BABAM2: variants seen among roughly 807,000 people sequenced by gnomAD.
BABAM2 encodes the protein BRISC and BRCA1 A complex member 2, also known as BRISC and BRCA1-A complex member 2.
In BABAM2, 31 loss-of-function variants were observed where a neutral mutation model predicts 54.7. The observed-to-expected ratio is 0.57, with a 90% CI of 0.43 to 0.77. BABAM2 has a LOEUF of 0.77. BABAM2 is among the 30% of genes least tolerant of loss of function. The pLI, the probability that BABAM2 is intolerant of heterozygous loss-of-function variation, is 0.00. For missense variants in BABAM2, 364 were observed against 455.8 expected (o/e 0.80, Z 1.83); for synonymous variants, 167 against 162.9 (o/e 1.03, Z -0.19).
chr2:28,193,491 A>G (rs1386061778), intron 7 of BABAM2, among the ~76,000 whole-genome samples: 2 of 152,188 alleles, frequency 1.3e-5, no homozygotes, highest in African/African-American at 2.4e-5. Flanking sequence ...AATGACAGTA[A>G]TAATAATACC....
chr2:28,133,692 AC>A (rs1189701616), intron 7 of BABAM2, among the ~76,000 whole-genome samples: 1 of 152,168 alleles, frequency 6.6e-6, no homozygotes, highest in African/African-American at 2.4e-5. Flanking sequence ...TATTATACTC[AC>A]GTTAACTACT....
At chr2:28,250,961 CCAGT>C (rs1683423110) in intron 10 of BABAM2, among the ~76,000 whole-genome samples, 1 of 152,110 alleles carries the variant, frequency 6.6e-6, no homozygotes, top group Non-Finnish European at 1.5e-5. Context: ...CACATTATTT[CCAGT>C]GTATCTTTGC....
chr2:28,013,698 C>T (rs1157577899), intron 4 of BABAM2, among the ~76,000 whole-genome samples: 1 of 105,944 alleles, frequency 9.4e-6, no homozygotes, highest in East Asian at 2.5e-4. Flanking sequence ...AGCTCTTACA[C>T]ACACACACAC....
chr2:27,987,373 G>C lies in BABAM2; in HGVS notation c.206-620G>C, dbSNP rs1043007233. 3.3e-5 allele frequency among the ~76,000 whole-genome samples: 5 copies of C among 152,298 alleles called. No individual in the cohort carries two copies. In the East Asian group the frequency reaches 9.6e-4, roughly 29 times the overall value. On this transcript the variant is annotated intron_variant, in intron 3 of 11. Coordinates refer to ENST00000379624, the MANE Select transcript of BABAM2 (RefSeq NM_199191.3). ...GTAAAGGCTTACTAATTAATTAGCA[G>C]GCAGTGATTGGACAGTAATGTTACC... is the stretch of plus-strand genomic sequence containing the variant.
intron 7 of BABAM2, among the ~76,000 whole-genome samples, chr2:28,227,184 A>G (rs970026868): frequency 1.3e-5 from 2 of 152,114 alleles, no homozygotes; most frequent in African/African-American, 2.4e-5. Flanking sequence ...ACAACTAAAC[A>G]GAACTTTTTA....
rs55713928 is a variant in BABAM2, at chr2:28,134,117, C to T, written c.680+4737C>T. Among the ~76,000 whole-genome samples, 484 of 148,202 alleles carry T rather than the reference C, an allele frequency of 3.3e-3. 2 individuals carry two copies. The highest frequency in any genetic ancestry group is 0.011 in the African/African-American group (454 of 40,056). ...CATATTTCTGGCCCTATACATTTGT[C>T]TTCCAAGGAACCAAAACCAATCCGT... On this transcript the variant is annotated intron_variant, in intron 7 of 11. Transcript: ENST00000379624.
At chr2:28,228,075 T>G (rs940250135) in intron 7 of BABAM2, among the ~76,000 whole-genome samples, 21 of 152,376 alleles carry the variant, frequency 1.4e-4, no homozygotes, top group African/African-American at 5.0e-4. Context: ...ACTTGCTACC[T>G]GTTTTGTAAA....
chr2:27,968,772 G>T (rs1671000303), intron 3 of BABAM2, among the ~76,000 whole-genome samples: 1 of 152,208 alleles, frequency 6.6e-6, no homozygotes, highest in Admixed American at 6.5e-5. Flanking sequence ...CCCAATGCCT[G>T]TACCCTCATT....
At chr2:28,182,077 C>A (rs1675700171) in intron 7 of BABAM2, among the ~76,000 whole-genome samples, 1 of 152,042 alleles carries the variant, frequency 6.6e-6, no homozygotes, top group South Asian at 2.1e-4. Flanking sequence ...AAGGAGGTGG[C>A]CATGGAGCCA....
chr2:28,061,199 A>AT (rs538039546), intron 6 of BABAM2, among the ~76,000 whole-genome samples: 34 of 152,286 alleles, frequency 2.2e-4, no homozygotes, highest in South Asian at 1.9e-3. Context: ...TGGACAATTG[A>AT]TTTTTGACCC....
At chr2:28,115,422 C>T (rs943435707) in intron 6 of BABAM2, among the ~76,000 whole-genome samples, 4 of 151,912 alleles carry the variant, frequency 2.6e-5, no homozygotes, top group Admixed American at 6.6e-5. Context: ...GTCAGGAGAT[C>T]GAGACCATCC....
intron 3 of BABAM2, among the ~76,000 whole-genome samples, chr2:27,941,510 C>T (rs568240787): frequency 2.0e-4 from 31 of 151,242 alleles, no homozygotes; most frequent in Admixed American, 1.1e-3. Flanking sequence ...TAGCCGAGAT[C>T]GCGGCACTGC....
intron 11 of BABAM2, among the ~76,000 whole-genome samples, chr2:28,300,742 G>GT (rs1206030309): frequency 1.3e-5 from 2 of 152,170 alleles, no homozygotes; most frequent in African/African-American, 4.8e-5. Context: ...TAGGAATATC[G>GT]TAAGTGAAGC....
intron 6 of BABAM2, among the ~76,000 whole-genome samples, chr2:28,062,514 G>C (rs1404997086): frequency 4.2e-5 from 6 of 142,728 alleles, no homozygotes; most frequent in African/African-American, 7.9e-5. Flanking sequence ...AGTGAGCCAA[G>C]ATTGCGTCAC....
At chr2:28,164,493 C>T (rs781776849) in intron 7 of BABAM2, among the ~76,000 whole-genome samples, 15 of 151,812 alleles carry the variant, frequency 9.9e-5, no homozygotes, top group Non-Finnish European at 1.6e-4. Flanking sequence ...ATGTTTATCC[C>T]ACAACATTTT....
chr2:27,948,954 TGTTTA>T (rs1342149541), intron 3 of BABAM2, among the ~76,000 whole-genome samples: 2 of 152,276 alleles, frequency 1.3e-5, no homozygotes, highest in Non-Finnish European at 2.9e-5. Context: ...TTTTTTGTTT[TGTTTA>T]GTTTTTTAAA....
intron 11 of BABAM2, among the ~76,000 whole-genome samples, chr2:28,331,870 A>G (rs533474022): frequency 1.3e-5 from 2 of 152,352 alleles, no homozygotes; most frequent in East Asian, 1.9e-4. Context: ...ATGCACGCAT[A>G]TGTTCACTGC....
intron 7 of BABAM2, among the ~76,000 whole-genome samples, chr2:28,164,827 T>C (rs1673471172): frequency 6.6e-6 from 1 of 152,110 alleles, no homozygotes; most frequent in African/African-American, 2.4e-5. Flanking sequence ...TTCCATAACT[T>C]TTCTTAAAGT....
Position 28,320,555 on chromosome 2 carries a change from A to G in BABAM2, c.1089-17895A>G, listed in dbSNP as rs1428878186. 2.0e-5 allele frequency among the ~76,000 whole-genome samples: 3 copies of G among 152,242 alleles called. No homozygotes were observed. The East Asian group carries it at 5.8e-4, about 29-fold the overall frequency. On this transcript the variant is annotated intron_variant, in intron 11 of 11. Coordinates refer to ENST00000379624, the MANE Select transcript of BABAM2 (RefSeq NM_199191.3). ...ACCCGACTGCTGGCAGATGTCTCCA[A>G]TTTCATTACTACTCCACGTTGCCAG...
Sources: gnomAD v4.1 joint callset for allele counts (sites outside exome capture counted in the v4.1 genomes callset) on GRCh38, gnomAD v4.1.1 for gene constraint, MANE v1.5 for transcripts, NCBI Gene and HGNC (gene_info 2026-07-23, HGNC 2026-07-21) for gene names.